Variants in MAP2K2 observed in about 807,000 individuals in gnomAD.
MAP2K2 encodes dual specificity mitogen-activated protein kinase kinase 2.
Under a neutral mutation model 43.7 loss-of-function variants are expected in MAP2K2, and 24 were observed. The observed-to-expected ratio is 0.55, with a 90% confidence interval of 0.40 to 0.77. The LOEUF (loss-of-function observed/expected upper bound fraction) is 0.77. MAP2K2 is among the 30% of genes least tolerant of loss of function. MAP2K2 has a pLI of 0.00. For synonymous variants in MAP2K2, 244 were observed against 239.7 expected (o/e 1.02, Z -0.17); for missense variants, 470 against 566.8 (o/e 0.83, Z 1.73).
intron 1 of MAP2K2, 109 bp from the exon 2 acceptor site, chr19:4,117,738 T>C (rs2041243093): frequency 1.0e-6 from 1 of 952,632 alleles, no homozygotes; most frequent in Non-Finnish European, 1.7e-6. Flanking sequence ...ACTGGATTCC[T>C]GCACTTGAGG....
intron 10 of MAP2K2, among the ~76,000 whole-genome samples, chr19:4,090,947 G>C (rs1250722945): frequency 2.0e-5 from 3 of 152,332 alleles, no homozygotes; most frequent in South Asian, 2.1e-4. Flanking sequence ...CTGGGGCGGG[G>C]ACACCACCAG....
At chr19:4,116,467 T>C (rs762241058) in intron 2 of MAP2K2, among the ~76,000 whole-genome samples, 3 of 151,310 alleles carry the variant, frequency 2.0e-5, no homozygotes, top group Non-Finnish European at 4.4e-5. Flanking sequence ...GAGGTAGAGG[T>C]TGCAGTGAGC....
chr19:4,093,955 C>A (rs566304257), intron 10 of MAP2K2, among the ~76,000 whole-genome samples: 1 of 152,052 alleles, frequency 6.6e-6, no homozygotes, highest in Non-Finnish European at 1.5e-5. Context: ...GTGTAGTCCC[C>A]GCTGGGGAGG....
Position 4,123,963 on chromosome 19 carries a change from GGGCTGC to G in MAP2K2, c.-94_-89del. On this transcript the variant is annotated 5_prime_UTR_variant, in exon 1 of 11. Coordinates refer to ENST00000262948, the MANE Select transcript of MAP2K2 (RefSeq NM_030662.4). ...AGCGGTCGGCGCCTACGCGAGCCCG[GGGCTGC>G]GGCCGCGGCCCAGGCCGGCGTCGGG... The G allele has an allele frequency of 1.6e-6, 1 of 618,368 alleles. No individual in the cohort carries two copies. Among genetic ancestry groups the G allele is most frequent in the Non-Finnish European group, 2.1e-6 (1 of 481,730 alleles). 38.3% of individuals were successfully genotyped at this position (618,368 alleles called of 1,614,324 possible).
intron 1 of MAP2K2, among the ~76,000 whole-genome samples, chr19:4,120,037 C>T (rs548549585): frequency 5.3e-5 from 8 of 152,378 alleles, no homozygotes; most frequent in African/African-American, 1.9e-4. Context: ...CAAACACCAT[C>T]TCATTCCATT....
intron 1 of MAP2K2, 22 bp downstream of exon 1, chr19:4,123,762 C>G: frequency 6.6e-7 from 1 of 1,522,702 alleles, no homozygotes; most frequent in Non-Finnish European, 8.8e-7. Context: ...CCCAAGCCTC[C>G]GGCTGACCCC....
At chr19:4,097,056 T>C (rs1157400966) in intron 8 of MAP2K2, among the ~76,000 whole-genome samples, 2 of 145,666 alleles carry the variant, frequency 1.4e-5, no homozygotes, top group Non-Finnish European at 3.0e-5. Context: ...TAGCTGGGTG[T>C]GGTGGTGCGC....
At chr19:4,097,849 C>T (rs1184428670) in intron 7 of MAP2K2, among the ~76,000 whole-genome samples, 1 of 152,090 alleles carries the variant, frequency 6.6e-6, no homozygotes, top group Non-Finnish European at 1.5e-5. Context: ...CGCCTTCTGC[C>T]CGTCCTGAAA....
chr19:4,102,996 G>T, intron 3 of MAP2K2: 2 of 1,067,328 alleles, frequency 1.9e-6, no homozygotes, highest in Middle Eastern at 4.5e-4. Context: ...CCCCCAGGGG[G>T]CTCCCTCGCC....
At position 4,123,939 on chromosome 19, in the gene MAP2K2, G is replaced by A. The variant is rs2145090338; in HGVS notation, c.-64C>T. 1 of 957,770 alleles carries A rather than the reference G, an allele frequency of 1.0e-6. No individual in the cohort carries two copies. The highest frequency in any genetic ancestry group is 4.3e-5 in the South Asian group (1 of 23,356). The allele number at this position is 957,770 out of a possible 1,614,324, so 59.3% of individuals were successfully genotyped here. ...GGGGCCCATAGGGGGCGGGCCGGGA[G>A]CGGTCGGCGCCTACGCGAGCCCGGG... On this transcript the variant is annotated 5_prime_UTR_variant, in exon 1 of 11. Transcript: ENST00000262948.
intron 6 of MAP2K2, 101 bp from the exon 7 acceptor site, chr19:4,099,515 T>A: frequency 1.1e-6 from 1 of 922,976 alleles, no homozygotes; most frequent in South Asian, 1.5e-5. Flanking sequence ...TCTCCATGGC[T>A]AATGACCGCA....
intron 3 of MAP2K2, 51 bp downstream of exon 3, chr19:4,110,458 T>G (rs769291518): frequency 6.2e-7 from 1 of 1,606,420 alleles, no homozygotes; most frequent in Non-Finnish European, 8.5e-7. Context: ...CTCCCCAACA[T>G]GCTCTGTTCC....
intron 3 of MAP2K2, among the ~76,000 whole-genome samples, chr19:4,109,456 T>C (rs1432498644): frequency 1.3e-5 from 2 of 152,190 alleles, no homozygotes; most frequent in African/African-American, 4.8e-5. Flanking sequence ...TGTTATGTTT[T>C]GAGACAGCAT....
intron 3 of MAP2K2, chr19:4,102,884 T>G: frequency 8.6e-7 from 1 of 1,163,640 alleles, no homozygotes. Context: ...GCCTGCGTCC[T>G]CTTCCCAGCA....
intron 6 of MAP2K2, 47 bp downstream of exon 6, chr19:4,100,972 A>T (rs1196904724): frequency 6.5e-7 from 1 of 1,546,506 alleles, no homozygotes; most frequent in Non-Finnish European, 8.7e-7. Context: ...AGCTTGGGGG[A>T]GAGCAGCAGG....
chr19:4,117,401 C>T lies in MAP2K2; in HGVS notation c.303+18G>A, dbSNP rs116988721. 0.012 allele frequency: 18,912 copies of T among 1,610,442 alleles called. 136 individuals are homozygous for T. The highest frequency in any genetic ancestry group is 0.014 in the Non-Finnish European group (16,495 of 1,179,448). ...CTTCCCCACCACTCCCCGACCTCCC[C>T]GACCCCGCAGTGCTCACCTTCCTGG... On this transcript the variant is annotated intron_variant, in intron 2 of 10. Transcript: ENST00000262948.
At chr19:4,113,854 C>G (rs1013994000) in intron 2 of MAP2K2, among the ~76,000 whole-genome samples, 4 of 152,262 alleles carry the variant, frequency 2.6e-5, no homozygotes, top group African/African-American at 9.6e-5. Context: ...CGAGCCGCCC[C>G]CCGGCCGCCA....
chr19:4,120,054 A>G (rs886641153), intron 1 of MAP2K2, among the ~76,000 whole-genome samples: 24 of 152,290 alleles, frequency 1.6e-4, no homozygotes, highest in African/African-American at 5.3e-4. Flanking sequence ...CATTCTCACC[A>G]TCGTCCCCGG....
intron 9 of MAP2K2, chr19:4,094,845 C>T: frequency 2.3e-6 from 1 of 429,290 alleles, no homozygotes; most frequent in Non-Finnish European, 4.3e-6. Context: ...ACGCCAAGGG[C>T]CCGGGGCAAC....
Sources: gnomAD v4.1 joint callset for allele counts (sites outside exome capture counted in the v4.1 genomes callset) on GRCh38, gnomAD v4.1.1 for gene constraint, MANE v1.5 for transcripts, NCBI Gene and HGNC (gene_info 2026-07-23, HGNC 2026-07-21) for gene names.